The following FBXL17 variants were observed in gnomAD, a reference collection of about 807,000 sequenced individuals.
FBXL17 encodes F-box and leucine rich repeat protein 17, also known as F-box/LRR-repeat protein 17.
FBXL17 carries 22 observed loss-of-function variants against 66.2 expected under a neutral mutation model. The ratio of observed to expected loss-of-function variants is 0.33; its 90% CI spans 0.24 to 0.47. The LOEUF (loss-of-function observed/expected upper bound fraction) is 0.47. Ranked by LOEUF, FBXL17 falls within the 20% of genes least tolerant of loss-of-function variation. The probability of loss-of-function intolerance (pLI) is 1.00; values close to 1 mark genes in which losing one functional copy is unlikely to be tolerated. For missense variants in FBXL17, 878 were observed against 948.2 expected, an observed-to-expected ratio of 0.93 and a Z score of 0.97; for synonymous variants, 474 against 400.5, an observed-to-expected ratio of 1.18 and a Z score of -2.19.
At chr5:108,168,885 T>C (rs367935650) in intron 6 of FBXL17, among the ~76,000 whole-genome samples, 316 of 152,152 alleles carry the variant, frequency 2.1e-3, no homozygotes, top group Middle Eastern at 3.4e-3. Flanking sequence ...ATAAAACCAT[T>C]CAAATTAAAC....
intron 3 of FBXL17, among the ~76,000 whole-genome samples, chr5:108,349,200 T>C (rs893721480): frequency 6.6e-6 from 1 of 152,146 alleles, no homozygotes; most frequent in Non-Finnish European, 1.5e-5. Context: ...ACCACTACAA[T>C]TGGAAGAAAC....
chr5:108,249,636 T>C (rs188039330), intron 4 of FBXL17, among the ~76,000 whole-genome samples: 1 of 152,216 alleles, frequency 6.6e-6, no homozygotes, highest in East Asian at 1.9e-4. Flanking sequence ...AAAAGGAGTT[T>C]TGCACCCCGG....
At chr5:108,332,190 A>C (rs1760154477) in intron 4 of FBXL17, among the ~76,000 whole-genome samples, 1 of 152,170 alleles carries the variant, frequency 6.6e-6, no homozygotes, top group Non-Finnish European at 1.5e-5. Flanking sequence ...AAAGTTATTG[A>C]TAATATTCTA....
At chr5:108,046,217 T>C (rs891242717) in intron 6 of FBXL17, among the ~76,000 whole-genome samples, 1 of 152,208 alleles carries the variant, frequency 6.6e-6, no homozygotes, top group South Asian at 2.1e-4. Context: ...TCCTTATCTG[T>C]CTCTTGAAAT....
chr5:108,219,083 T>A (rs1308413134), intron 5 of FBXL17, among the ~76,000 whole-genome samples: 1 of 152,240 alleles, frequency 6.6e-6, no homozygotes, highest in African/African-American at 2.4e-5. Context: ...CCTATATTCA[T>A]GAAAGATAGT....
chr5:107,915,807 C>A (rs1750107365), intron 7 of FBXL17, among the ~76,000 whole-genome samples: 1 of 152,184 alleles, frequency 6.6e-6, no homozygotes, highest in African/African-American at 2.4e-5. Context: ...AACATTTCAT[C>A]GTTATTGCTA....
At chr5:107,962,313 TA>T (rs1751946231) in intron 7 of FBXL17, among the ~76,000 whole-genome samples, 1 of 152,160 alleles carries the variant, frequency 6.6e-6, no homozygotes. Context: ...AATTTTTATG[TA>T]GAGTAAAACA....
intron 6 of FBXL17, among the ~76,000 whole-genome samples, chr5:108,166,530 T>A (rs1375492891): frequency 6.6e-6 from 1 of 152,210 alleles, no homozygotes; most frequent in African/African-American, 2.4e-5. Context: ...ACAGTGCTGA[T>A]CTGTTAGTTG....
chr5:107,895,714 T>C (rs1216703389), intron 7 of FBXL17, among the ~76,000 whole-genome samples: 1 of 152,154 alleles, frequency 6.6e-6, no homozygotes, highest in African/African-American at 2.4e-5. Flanking sequence ...TCTTCTTTGA[T>C]TGACCGGGGT....
chr5:108,246,498 C>T (rs537400229), intron 4 of FBXL17, among the ~76,000 whole-genome samples: 1 of 152,072 alleles, frequency 6.6e-6, no homozygotes, highest in Non-Finnish European at 1.5e-5. Flanking sequence ...CCCTAGCTGA[C>T]CCTGTCTCAA....
chr5:108,126,316 G>A (rs1399786630), intron 6 of FBXL17, among the ~76,000 whole-genome samples: 1 of 152,042 alleles, frequency 6.6e-6, no homozygotes, highest in Admixed American at 6.6e-5. Context: ...GGTCTTGTAG[G>A]TGAAACTAGA....
At chr5:108,182,594 C>G (rs902775773) in intron 6 of FBXL17, among the ~76,000 whole-genome samples, 1 of 152,138 alleles carries the variant, frequency 6.6e-6, no homozygotes, top group Admixed American at 6.5e-5. Context: ...TTAATCCAAA[C>G]TTTTCCATTA....
intron 4 of FBXL17, among the ~76,000 whole-genome samples, chr5:108,301,434 C>G (rs1269199248): frequency 6.7e-6 from 1 of 149,012 alleles, no homozygotes; most frequent in East Asian, 1.9e-4. Flanking sequence ...TTTACAACAG[C>G]TTATCTATAC....
chr5:107,992,144 T>C (rs981709171), intron 7 of FBXL17, among the ~76,000 whole-genome samples: 24 of 151,654 alleles, frequency 1.6e-4, no homozygotes, highest in African/African-American at 5.8e-4. Flanking sequence ...ATCTATACAA[T>C]TGGGGCAGGT....
chr5:107,863,693 T>C (rs1426328354), intron 8 of FBXL17, among the ~76,000 whole-genome samples: 2 of 152,190 alleles, frequency 1.3e-5, no homozygotes, highest in Non-Finnish European at 2.9e-5. Flanking sequence ...AGTGAGTGAA[T>C]GCTAAAACAA....
At chr5:107,865,487 G>A (rs551535682) in intron 8 of FBXL17, among the ~76,000 whole-genome samples, 6 of 152,198 alleles carry the variant, frequency 3.9e-5, no homozygotes, top group African/African-American at 1.4e-4. Context: ...TATTTTGGCG[G>A]CACAAAGTAA....
In FBXL17 at chr5:107,859,562, C is replaced by G. The variant is rs184937667; in HGVS notation, c.*2158G>C. On this transcript the variant is annotated 3_prime_UTR_variant, in exon 9 of 9. Transcript: ENST00000542267. ...GTGCAAGTCCCCACCCCACCCCCAC[C>G]CCCCCAAGCTAAAGCATGTTATAGT... 77 of 147,670 alleles carry G rather than the reference C, an allele frequency of 5.2e-4. No homozygotes were observed. The highest frequency in any genetic ancestry group is 1.9e-3 in the African/African-American group (75 of 39,786). The allele number at this position is 147,670 out of a possible 1,614,324, so 9.1% of individuals were successfully genotyped here.
chr5:108,136,489 A>G (rs1464336080), intron 6 of FBXL17, among the ~76,000 whole-genome samples: 1 of 152,160 alleles, frequency 6.6e-6, no homozygotes, highest in Non-Finnish European at 1.5e-5. Flanking sequence ...TGGATGTAAG[A>G]ACTAGTTTTT....
intron 4 of FBXL17, among the ~76,000 whole-genome samples, chr5:108,294,975 G>C (rs1196451638): frequency 6.6e-6 from 1 of 151,796 alleles, no homozygotes; most frequent in African/African-American, 2.4e-5. Flanking sequence ...TTACAGATAA[G>C]GTGTCAATTT....
Sources: allele counts gnomAD v4.1 joint callset (sites outside exome capture counted in the v4.1 genomes callset), GRCh38; gene constraint gnomAD v4.1.1; transcripts MANE v1.5; gene names NCBI Gene and HGNC (gene_info 2026-07-23, HGNC 2026-07-21).